The following EPHA6 variants were observed in gnomAD, a reference collection of about 807,000 sequenced individuals.
EPHA6 encodes the protein ephrin type-A receptor 6.
A neutral mutation model predicts 112.0 loss-of-function variants in EPHA6; 50 were observed. The ratio of observed to expected loss-of-function variants is 0.45; its 90% CI spans 0.36 to 0.56. The LOEUF (loss-of-function observed/expected upper bound fraction) is 0.56, where lower values mean the gene tolerates loss of function less well. Ranked by LOEUF, EPHA6 falls within the 20% of genes least tolerant of loss-of-function variation. The pLI, the probability that EPHA6 is intolerant of heterozygous loss-of-function variation, is 0.00. For synonymous variants in EPHA6, 529 were observed against 490.7 expected (o/e 1.08, Z -1.03); for missense variants, 1,280 against 1,417.4 (o/e 0.90, Z 1.56).
At chr3:96,865,710 A>G (rs2107450399) in intron 1 of EPHA6, among the ~76,000 whole-genome samples, 1 of 151,460 alleles carries the variant, frequency 6.6e-6, no homozygotes, top group African/African-American at 2.4e-5. Context: ...AAAAAAAAAA[A>G]AAAAAGGAAA....
intron 3 of EPHA6, among the ~76,000 whole-genome samples, chr3:97,085,948 T>TATATATATATATATATATATATAC (rs984404779): frequency 1.7e-4 from 25 of 145,110 alleles, no homozygotes; most frequent in African/African-American, 6.6e-4. Flanking sequence ...TATATATATA[T>TATATATATATATATATATATATAC]ACACACTGAG....
At chr3:97,506,170 C>A (rs149086072) in intron 10 of EPHA6, among the ~76,000 whole-genome samples, 1 of 152,016 alleles carries the variant, frequency 6.6e-6, no homozygotes, top group Non-Finnish European at 1.5e-5. Context: ...TTGCTGTGCA[C>A]ACACTCTTTA....
At chr3:97,546,489 C>T (rs1265018492) in intron 11 of EPHA6, among the ~76,000 whole-genome samples, 1 of 152,152 alleles carries the variant, frequency 6.6e-6, no homozygotes, top group Non-Finnish European at 1.5e-5. Flanking sequence ...TCTCTGGCTG[C>T]CCTTAACATT....
At chr3:97,337,742 G>A (rs1242778489) in intron 5 of EPHA6, among the ~76,000 whole-genome samples, 1 of 151,928 alleles carries the variant, frequency 6.6e-6, no homozygotes, top group African/African-American at 2.4e-5. Context: ...CCTCTAATAG[G>A]GTGAGAGCTA....
chr3:97,701,544 A>G (rs533607092), intron 14 of EPHA6, among the ~76,000 whole-genome samples: 6 of 152,222 alleles, frequency 3.9e-5, no homozygotes, highest in South Asian at 2.1e-4. Flanking sequence ...AACAACTAAT[A>G]AAAATTCTAT....
intron 12 of EPHA6, among the ~76,000 whole-genome samples, chr3:97,608,800 C>G (rs2093697841): frequency 6.6e-6 from 1 of 151,250 alleles, no homozygotes; most frequent in Non-Finnish European, 1.5e-5. Flanking sequence ...AGGTGCATCA[C>G]TGGAAAGAAT....
At chr3:97,717,433 C>A (rs769458430) in intron 14 of EPHA6, among the ~76,000 whole-genome samples, 1 of 152,118 alleles carries the variant, frequency 6.6e-6, no homozygotes, top group African/African-American at 2.4e-5. Context: ...TCTCACAGTT[C>A]TAGAGGCTGG....
intron 2 of EPHA6, among the ~76,000 whole-genome samples, chr3:96,878,380 G>A (rs1055901062): frequency 6.6e-6 from 1 of 151,860 alleles, no homozygotes; most frequent in African/African-American, 2.4e-5. Flanking sequence ...GAAGGAAAGA[G>A]AGGTGTCAAG....
chr3:97,577,066 G>T (rs549121220), intron 11 of EPHA6, among the ~76,000 whole-genome samples: 1 of 152,064 alleles, frequency 6.6e-6, no homozygotes, highest in Non-Finnish European at 1.5e-5. Flanking sequence ...TCCCAGGCTG[G>T]AGTGCAGTGG....
At chr3:97,312,455 T>A (rs769520065) in intron 5 of EPHA6, among the ~76,000 whole-genome samples, 2 of 151,512 alleles carry the variant, frequency 1.3e-5, no homozygotes, top group Non-Finnish European at 3.0e-5. Context: ...AGTTCCAACA[T>A]AATCCTCAAA....
intron 3 of EPHA6, among the ~76,000 whole-genome samples, chr3:97,111,552 C>T (rs1317031942): frequency 6.6e-6 from 1 of 151,928 alleles, no homozygotes; most frequent in African/African-American, 2.4e-5. Context: ...TTAAATGAAT[C>T]GTTAAAATTA....
chr3:97,198,411 G>A (rs976493929), intron 3 of EPHA6, among the ~76,000 whole-genome samples: 5 of 152,082 alleles, frequency 3.3e-5, no homozygotes, highest in Non-Finnish European at 4.4e-5. Context: ...TCCATATTCT[G>A]AAGTGCTTCC....
At chr3:97,608,362 G>A (rs1329285883) in intron 12 of EPHA6, among the ~76,000 whole-genome samples, 2 of 151,256 alleles carry the variant, frequency 1.3e-5, no homozygotes, top group African/African-American at 4.8e-5. Context: ...AAATACTCCA[G>A]AGTGAGTTTC....
intron 5 of EPHA6, among the ~76,000 whole-genome samples, chr3:97,258,991 C>G (rs746119160): frequency 4.6e-5 from 7 of 152,148 alleles, no homozygotes; most frequent in African/African-American, 1.7e-4. Flanking sequence ...TTTTAACTTT[C>G]CATACATACA....
intron 15 of EPHA6, among the ~76,000 whole-genome samples, chr3:97,723,526 T>C (rs1411615766): frequency 6.6e-6 from 1 of 152,170 alleles, no homozygotes; most frequent in African/African-American, 2.4e-5. Flanking sequence ...TTCTCATTCG[T>C]TCAGGATTGC....
chr3:96,958,080 T>C (rs2107741544), intron 2 of EPHA6, among the ~76,000 whole-genome samples: 1 of 152,244 alleles, frequency 6.6e-6, no homozygotes, highest in East Asian at 1.9e-4. Flanking sequence ...CATGCTCTAC[T>C]GTTGTGTCTT....
intron 6 of EPHA6, among the ~76,000 whole-genome samples, chr3:97,411,087 C>T (rs2087685027): frequency 6.6e-6 from 1 of 151,392 alleles, no homozygotes; most frequent in Admixed American, 6.6e-5. Context: ...CAGTGTCCAC[C>T]ACAGAGAAAT....
chr3:97,579,312 T>C (rs2107274315), intron 11 of EPHA6, among the ~76,000 whole-genome samples: 1 of 152,318 alleles, frequency 6.6e-6, no homozygotes, highest in East Asian at 1.9e-4. Context: ...CCCAGCCTTA[T>C]ACCCAGATTA....
intron 3 of EPHA6, among the ~76,000 whole-genome samples, chr3:97,043,269 C>T (rs962148552): frequency 1.3e-5 from 2 of 152,076 alleles, no homozygotes; most frequent in African/African-American, 4.8e-5. Context: ...GGTAGCTCCA[C>T]ACACAGACCA....
Sources: allele counts gnomAD v4.1 joint callset (sites outside exome capture counted in the v4.1 genomes callset), GRCh38; gene constraint gnomAD v4.1.1; transcripts MANE v1.5; gene names NCBI Gene and HGNC (gene_info 2026-07-23, HGNC 2026-07-21).